Variants in PTPN12 observed in about 807,000 individuals in gnomAD.
PTPN12 encodes the protein protein tyrosine phosphatase non-receptor type 12, also known as tyrosine-protein phosphatase non-receptor type 12.
A neutral mutation model predicts 97.6 loss-of-function variants in PTPN12; 29 were observed. That is an observed-to-expected ratio of 0.30 (90% CI 0.22 to 0.41). PTPN12 has a LOEUF of 0.41. Among genes scored for constraint, PTPN12 ranks in the 10% least tolerant of loss-of-function variants. PTPN12 has a pLI of 1.00. For synonymous variants in PTPN12, 327 were observed against 300.4 expected (o/e 1.09, Z -0.91); for missense variants, 819 against 926.0 (o/e 0.88, Z 1.50).
intron 5 of PTPN12, among the ~76,000 whole-genome samples, chr7:77,590,181 T>A (rs1787820139): frequency 6.6e-6 from 1 of 152,202 alleles, no homozygotes; most frequent in Non-Finnish European, 1.5e-5. Context: ...TGTTAGAGAT[T>A]ATGTATGTAT....
intron 2 of PTPN12, among the ~76,000 whole-genome samples, chr7:77,575,575 A>G (rs144886812): frequency 6.6e-6 from 1 of 152,374 alleles, no homozygotes; most frequent in East Asian, 1.9e-4. Flanking sequence ...CAGTGCTTGC[A>G]GAAATAGAAT....
At chr7:77,571,336 G>A (rs1787123993) in intron 2 of PTPN12, 150 bp downstream of exon 2, 1 of 565,794 alleles carries the variant, frequency 1.8e-6, no homozygotes, top group African/African-American at 2.0e-5. Context: ...ATTCATAATT[G>A]TGCTTTTTGT....
chr7:77,588,862 T>TTTTG (rs916861201), intron 5 of PTPN12, among the ~76,000 whole-genome samples: 2 of 152,056 alleles, frequency 1.3e-5, no homozygotes, highest in Non-Finnish European at 2.9e-5. Flanking sequence ...TGGTTTGAAT[T>TTTTG]TTTGTTTGTT....
chr7:77,551,937 C>T (rs1447110551), intron 1 of PTPN12, among the ~76,000 whole-genome samples: 2 of 151,980 alleles, frequency 1.3e-5, no homozygotes, highest in African/African-American at 4.8e-5. Context: ...TTCTGAAGAC[C>T]CCTTGTATGA....
intron 8 of PTPN12, among the ~76,000 whole-genome samples, chr7:77,605,450 C>T (rs1289315640): frequency 2.9e-5 from 3 of 103,728 alleles, no homozygotes; most frequent in East Asian, 2.9e-4. Flanking sequence ...GACGGAGTCT[C>T]GCTCTGTCGC....
intron 12 of PTPN12, among the ~76,000 whole-genome samples, chr7:77,620,969 A>T (rs993584305): frequency 6.6e-5 from 10 of 150,458 alleles, no homozygotes; most frequent in Admixed American, 1.3e-4. Context: ...AACAAAAATA[A>T]AGTACATGTT....
At chr7:77,632,928 G>T (rs761391015) in intron 14 of PTPN12, among the ~76,000 whole-genome samples, 1 of 151,870 alleles carries the variant, frequency 6.6e-6, no homozygotes, top group African/African-American at 2.4e-5. Flanking sequence ...TTGCATTCCA[G>T]CCTGGGCGAA....
At chr7:77,624,588 C>T (rs965080136) in intron 12 of PTPN12, among the ~76,000 whole-genome samples, 7 of 151,800 alleles carry the variant, frequency 4.6e-5, no homozygotes, top group Non-Finnish European at 1.0e-4. Flanking sequence ...TACAGGCGCA[C>T]GCTACCATGC....
At chr7:77,600,223 A>G (rs1203672188) in intron 7 of PTPN12, among the ~76,000 whole-genome samples, 3 of 152,172 alleles carry the variant, frequency 2.0e-5, no homozygotes, top group Non-Finnish European at 4.4e-5. Flanking sequence ...TCTGATTACA[A>G]TGAATACTAC....
intron 11 of PTPN12, among the ~76,000 whole-genome samples, chr7:77,612,794 G>T (rs571211023): frequency 6.8e-6 from 1 of 146,328 alleles, no homozygotes; most frequent in Non-Finnish European, 1.5e-5. Flanking sequence ...TTGGTTTTTG[G>T]TTTTTTTTTT....
chr7:77,583,823 C>A, intron 4 of PTPN12, 173 bp downstream of exon 4: 1 of 468,126 alleles, frequency 2.1e-6, no homozygotes, highest in Non-Finnish European at 3.8e-6. Context: ...TAAATTTTTA[C>A]AAACTAGGCT....
intron 16 of PTPN12, among the ~76,000 whole-genome samples, chr7:77,638,359 C>A (rs929700866): frequency 6.6e-6 from 1 of 152,040 alleles, no homozygotes; most frequent in African/African-American, 2.4e-5. Context: ...TATGTCAAGA[C>A]CTAGATTTAT....
At chr7:77,553,670 T>A (rs1026431426) in intron 1 of PTPN12, among the ~76,000 whole-genome samples, 3 of 152,206 alleles carry the variant, frequency 2.0e-5, no homozygotes, top group Admixed American at 2.0e-4. Flanking sequence ...CTGTGTGTGT[T>A]TGTATATTTA....
chr7:77,626,687 TA>T lies in PTPN12; in HGVS notation c.1026-15del. 2 of 1,575,232 alleles carry T rather than the reference TA, an allele frequency of 1.3e-6. No homozygotes were observed. The highest frequency in any genetic ancestry group is 1.7e-6 in the Non-Finnish European group (2 of 1,161,264). ...TTTAACAGTCTTAAAATGCCCTTTT[TA>T]AATGTTTGTTTTTCAGTTGCCTTGT... On this transcript the variant is annotated splice_polypyrimidine_tract_variant and intron_variant, in intron 12 of 17. Coordinates refer to ENST00000248594, the MANE Select transcript of PTPN12 (RefSeq NM_002835.4).
Position 77,639,866 on chromosome 7 carries a change from T to A in PTPN12, c.*586T>A, listed in dbSNP as rs1479763384. 3.9e-5 allele frequency: 6 copies of A among 152,708 alleles called. 1 individual carries two copies. The highest frequency in any genetic ancestry group is 3.9e-4 in the Admixed American group (6 of 15,282). 9.5% of individuals were successfully genotyped at this position (152,708 alleles called of 1,614,324 possible). On this transcript the variant is annotated 3_prime_UTR_variant, in exon 18 of 18. Transcript: ENST00000248594. Reference sequence around the variant, plus strand: ...TAAGCAAAAAGTTATTTTTATATTATATACAGTCTAATTGTTCATCCTAAT... The same window carrying A: ...TAAGCAAAAAGTTATTTTTATATTAAATACAGTCTAATTGTTCATCCTAAT...
rs1482197469 is a variant in PTPN12 at position 77,563,922 on chromosome 7, TC to T, written c.100-7155del. 3 of 442,426 alleles carry T rather than the reference TC, an allele frequency of 6.8e-6. No homozygotes were observed. The East Asian group carries it at 2.3e-4, about 33-fold the overall frequency. 27.4% of individuals were successfully genotyped at this position (442,426 alleles called of 1,614,324 possible). Reference sequence around the variant, plus strand: ...ATTATCGTTAGTGATGTGCATTTTTTCTTTTTTTTTGAGATGGAGCTCTGTC... The same window carrying T: ...ATTATCGTTAGTGATGTGCATTTTTTTTTTTTTTTGAGATGGAGCTCTGTC... On this transcript the variant is annotated intron_variant, in intron 1 of 17. Transcript: ENST00000248594.
rs765719283 is a variant in PTPN12 at position 77,626,881 on chromosome 7, A to G, written c.1202A>G (p.His401Arg). ...PVLHMVSSEQ[H>R]SADLNRNYSK... The stretch of plus-strand genomic sequence containing the variant: ...TTGCATATGGTTTCATCAGAACAAC[A>G]TTCAGCAGACCTCAACAGAAACTAT... The change falls in exon 13 of 18, where the codon CAT becomes CGT. Residue 401 changes from histidine (H) to arginine (R), a missense_variant. By Grantham distance (29) the His-to-Arg change is conservative. Transcript: ENST00000248594. The G allele has an allele frequency of 6.8e-6, 11 of 1,613,148 alleles. No individual in the cohort carries two copies. The highest frequency in any genetic ancestry group is 4.5e-5 in the East Asian group (2 of 44,880).
At chr7:77,585,318 A>G (rs981183930) in intron 4 of PTPN12, 17 of 401,396 alleles carry the variant, frequency 4.2e-5, no homozygotes, top group Non-Finnish European at 6.6e-5. Context: ...CAAAAACATC[A>G]TGTTAATTGG....
At chr7:77,548,866 T>C (rs1200834746) in intron 1 of PTPN12, among the ~76,000 whole-genome samples, 2 of 152,150 alleles carry the variant, frequency 1.3e-5, no homozygotes, top group African/African-American at 4.8e-5. Context: ...TCTTTGTCTT[T>C]CTATGGTTTT....
Sources: gnomAD v4.1 joint callset for allele counts (sites outside exome capture counted in the v4.1 genomes callset) on GRCh38, gnomAD v4.1.1 for gene constraint, MANE v1.5 for transcripts, NCBI Gene and HGNC (gene_info 2026-07-23, HGNC 2026-07-21) for gene names.